The following SSUH2 variants were observed in gnomAD, a reference collection of about 807,000 sequenced individuals.
The protein encoded by SSUH2 is ssu-2 homolog.
Under a neutral mutation model 55.3 loss-of-function variants are expected in SSUH2, and 47 were observed. That is an observed-to-expected ratio of 0.85 (90% CI 0.67 to 1.08). The LOEUF is 1.08. SSUH2 is among the 50% of genes least tolerant of loss of function. The pLI is 0.00. For synonymous variants in SSUH2, 212 were observed against 191.5 expected (o/e 1.11, Z -0.89); for missense variants, 535 against 490.7 (o/e 1.09, Z -0.85).
At position 8,630,887 on chromosome 3, in the gene SSUH2, A is replaced by G; in HGVS notation, c.443T>C (p.Leu148Pro). Residue 148 changes from leucine (L) to proline (P), a missense_variant, in exon 6 of 12, where the codon CTC becomes CCC. By Grantham distance (98) the Leu-to-Pro change is moderately conservative. Coordinates refer to ENST00000544814, the MANE Select transcript of SSUH2 (RefSeq NM_001256748.3). ...DGPQRGASPR[L>P]WDIKVQGPPM... ...AGGACCTTGAACCTTGATGTCCCAG[A>G]GCCTGGGGGAGGCGCCTCTTTGCGG... The G allele has an allele frequency of 6.8e-7, 1 of 1,473,492 alleles. No homozygotes were observed. Among genetic ancestry groups the G allele is most frequent in the Non-Finnish European group, 9.0e-7 (1 of 1,112,082 alleles). 91.3% of individuals were successfully genotyped at this position (1,473,492 alleles called of 1,614,324 possible). A position where few individuals can be genotyped will look rare whatever the true frequency, so the allele number is the denominator to read the frequency against.
Position 8,633,849 on chromosome 3 carries a change from A to G in SSUH2, c.210-54T>C, listed in dbSNP as rs553083777. 8.1e-6 allele frequency: 13 copies of G among 1,613,216 alleles called. No individual in the cohort carries two copies. The East Asian group carries it at 2.9e-4, about 36-fold the overall frequency. ...GCTTCTGGGAAGGGCCTGTGGACTC[A>G]CGCGGGCCAGCCAGCCTCCTCAACG... On this transcript the variant is annotated intron_variant, in intron 3 of 11. Transcript: ENST00000544814.
intron 8 of SSUH2, chr3:8,627,451 C>A: frequency 2.6e-6 from 1 of 382,320 alleles, no homozygotes; most frequent in Non-Finnish European, 4.7e-6. Flanking sequence ...TTCCTCCCTG[C>A]AGTGGCTCTT....
At chr3:8,650,909 C>G (rs1452597736) in intron 7 of SSUH2, among the ~76,000 whole-genome samples, 2 of 152,236 alleles carry the variant, frequency 1.3e-5, no homozygotes. Context: ...GCTGTCCTCA[C>G]TGGGCTAGAA....
At chr3:8,630,988 T>C in intron 5 of SSUH2, 59 bp from the exon 6 acceptor site, 1 of 1,327,536 alleles carries the variant, frequency 7.5e-7, no homozygotes, top group Non-Finnish European at 9.7e-7. Context: ...AAACTTTCAT[T>C]TATCCAGCAA....
rs1474656698 is a variant in SSUH2, at chr3:8,679,135, A to AT, written c.-901+569_-901+570insA. Among the ~76,000 whole-genome samples the AT allele has an allele frequency of 3.3e-4, 24 of 73,632 alleles. 9 individuals carry two copies. Among genetic ancestry groups the AT allele is most frequent in the Non-Finnish European group, 6.1e-4 (21 of 34,266 alleles). 48.3% of individuals were successfully genotyped at this position (73,632 alleles called of 152,430 possible). On this transcript the variant is annotated intron_variant, in intron 2 of 18. Transcript: ENST00000317371. Reference sequence around the variant, plus strand: ...TCTTAGGACCCAAATTGCGGGGGGGAGGCACCCCCGCGAGGCGGGGACTGA... The same window carrying AT: ...TCTTAGGACCCAAATTGCGGGGGGGATGGCACCCCCGCGAGGCGGGGACTGA...
chr3:8,653,257 T>C (rs1352611248), intron 7 of SSUH2, among the ~76,000 whole-genome samples: 1 of 152,188 alleles, frequency 6.6e-6, no homozygotes, highest in African/African-American at 2.4e-5. Flanking sequence ...TCACTTTCAT[T>C]GTCCTCTTTT....
intron 3 of SSUH2, among the ~76,000 whole-genome samples, chr3:8,676,875 AT>A (rs1705374240): frequency 7.4e-6 from 1 of 134,416 alleles, no homozygotes; most frequent in South Asian, 2.5e-4. Flanking sequence ...GGGAGGAGGC[AT>A]CCCCCGTGAG....
upstream of SSUH2, among the ~76,000 whole-genome samples, chr3:8,646,326 C>A (rs1209979513): frequency 2.0e-5 from 3 of 152,140 alleles, no homozygotes; most frequent in African/African-American, 7.2e-5. Flanking sequence ...ATCTTGAGTA[C>A]TTTTTAAGCG....
intron 3 of SSUH2, chr3:8,634,002 A>G: frequency 6.5e-7 from 1 of 1,534,718 alleles, no homozygotes; most frequent in East Asian, 2.3e-5. Context: ...TTTCCTAGAG[A>G]ACAGCCAAAA....
chr3:8,681,135 C>T (rs536884300), intron 1 of SSUH2, among the ~76,000 whole-genome samples: 40 of 104,378 alleles, frequency 3.8e-4, no homozygotes, highest in Non-Finnish European at 7.0e-4. Flanking sequence ...CCCTCTTCCC[C>T]CCCTGCCTCT....
At chr3:8,680,416 C>T (rs1401949853) in intron 1 of SSUH2, among the ~76,000 whole-genome samples, 1 of 152,096 alleles carries the variant, frequency 6.6e-6, no homozygotes, top group Non-Finnish European at 1.5e-5. Flanking sequence ...AACTGTTTCA[C>T]AGATGGGTGT....
Position 8,628,364 on chromosome 3 carries a change from G to A in SSUH2, c.589-581C>T, listed in dbSNP as rs569511631. Among the ~76,000 whole-genome samples the A allele has an allele frequency of 1.4e-4, 21 of 152,274 alleles. 1 individual carries two copies. In the East Asian group the frequency reaches 3.7e-3, roughly 27 times the overall value. ...CTCGAATCAGGACACCAAAGAACGCGAGAAGTTTGGTTTTACCCCCTGGGA... is the reference window on the plus strand; with the variant it reads ...CTCGAATCAGGACACCAAAGAACGCAAGAAGTTTGGTTTTACCCCCTGGGA... On this transcript the variant is annotated intron_variant, in intron 7 of 11. Coordinates refer to ENST00000544814, the MANE Select transcript of SSUH2 (RefSeq NM_001256748.3).
intron 5 of SSUH2, among the ~76,000 whole-genome samples, chr3:8,666,921 G>A (rs1019390370): frequency 1.3e-5 from 2 of 152,164 alleles, no homozygotes; most frequent in East Asian, 3.8e-4. Context: ...TACCACAAAG[G>A]ACACTACAGA....
intron 6 of SSUH2, chr3:8,659,613 G>A (rs1051345328): frequency 6.2e-5 from 20 of 321,518 alleles, no homozygotes; most frequent in Middle Eastern, 3.9e-4. Flanking sequence ...GCTGGAGGCC[G>A]GGGGCTGCCC....
At chr3:8,634,773 T>A (rs1699634338) in intron 3 of SSUH2, 1 of 369,216 alleles carries the variant, frequency 2.7e-6, no homozygotes, top group Non-Finnish European at 5.3e-6. Context: ...AGGGGGCAGC[T>A]CCACCTTCTC....
intron 5 of SSUH2, among the ~76,000 whole-genome samples, chr3:8,631,763 G>A (rs1281075817): frequency 6.6e-6 from 1 of 152,006 alleles, no homozygotes; most frequent in Non-Finnish European, 1.5e-5. Context: ...CACGCATGCT[G>A]CTTTACAGCC....
chr3:8,630,970 G>C, intron 5 of SSUH2, 41 bp from the exon 6 acceptor site: 3 of 1,337,014 alleles, frequency 2.2e-6, no homozygotes, highest in Non-Finnish European at 2.9e-6. Context: ...ACGAAGGGCA[G>C]CAGGGATAAA....
upstream of SSUH2, among the ~76,000 whole-genome samples, chr3:8,646,874 C>T (rs1203547258): frequency 1.3e-5 from 2 of 152,226 alleles, no homozygotes; most frequent in Non-Finnish European, 2.9e-5. Flanking sequence ...TTCCTCCCTG[C>T]TGTTGATGGA....
intron 5 of SSUH2, among the ~76,000 whole-genome samples, chr3:8,666,581 C>G (rs895834456): frequency 6.6e-6 from 1 of 152,164 alleles, no homozygotes; most frequent in Non-Finnish European, 1.5e-5. Flanking sequence ...TTCCTCTGCT[C>G]TCATACCACC....
Sources: allele counts gnomAD v4.1 joint callset (sites outside exome capture counted in the v4.1 genomes callset), GRCh38; gene constraint gnomAD v4.1.1; transcripts MANE v1.5; gene names NCBI Gene and HGNC (gene_info 2026-07-23, HGNC 2026-07-21).